Variants in MYH14 observed in about 807,000 individuals in gnomAD.
MYH14 encodes myosin-14.
Under a neutral mutation model 255.5 loss-of-function variants are expected in MYH14, and 123 were observed. The ratio of observed to expected loss-of-function variants is 0.48; its 90% confidence interval spans 0.42 to 0.56. The LOEUF is 0.56. Among genes scored for constraint, MYH14 ranks in the 20% least tolerant of loss-of-function variants. MYH14 has a pLI of 0.00. For synonymous variants in MYH14, 1,095 were observed against 1,161.2 expected (o/e 0.94, Z 1.16); for missense variants, 2,423 against 2,802.3 (o/e 0.86, Z 3.06).
chr19:50,277,610 A>AAAAC (rs904329148), intron 29 of MYH14, among the ~76,000 whole-genome samples: 2 of 152,100 alleles, frequency 1.3e-5, no homozygotes, highest in Admixed American at 6.5e-5. Flanking sequence ...TCTGTCTCAA[A>AAAAC]AAACAAACAA....
rs1261231302 is a variant in MYH14, at chr19:50,281,661, G to A, written c.4358G>A (p.Arg1453His). 16 of 1,608,832 alleles carry A rather than the reference G, an allele frequency of 9.9e-6. No homozygotes were observed. The highest frequency in any genetic ancestry group is 1.3e-5 in the Non-Finnish European group (15 of 1,178,164). ...CTGGAGGCAGGGGAGGAGGCACGGC[G>A]CCGGGCAGCCCGGGAGGCCGAGGCC... ...GALEAGEEAR[R>H]RAAREAEALT... Residue 1453 changes from arginine to histidine, a missense_variant, in exon 33 of 43, where the codon CGC (arginine) becomes CAC (histidine). This residue lies in a region of MYH14 where 1,513 missense variants were observed against 1,674.8 expected (regional missense o/e 0.90). Coordinates refer to ENST00000642316, the MANE Select transcript of MYH14 (RefSeq NM_001145809.2).
intron 2 of MYH14, among the ~76,000 whole-genome samples, chr19:50,215,062 C>G (rs757364350): frequency 2.6e-5 from 4 of 152,184 alleles, no homozygotes; most frequent in Admixed American, 2.0e-4. Context: ...CTGGAGCAGC[C>G]ATTCCTGACC....
intron 22 of MYH14, among the ~76,000 whole-genome samples, chr19:50,265,993 TGATACCTGCGAAA>T (rs1361966608): frequency 6.6e-6 from 1 of 152,070 alleles, no homozygotes; most frequent in African/African-American, 2.4e-5. Context: ...GAAATGTGAA[TGATACCTGCGAAA>T]GATGCAAGGA....
At chr19:50,260,050 T>G (rs2034764759) in intron 19 of MYH14, among the ~76,000 whole-genome samples, 1 of 152,188 alleles carries the variant, frequency 6.6e-6, no homozygotes, top group Non-Finnish European at 1.5e-5. Flanking sequence ...ATTGAACATT[T>G]TCTAATAGCT....
chr19:50,306,357 C>T (rs2036654862), intron 40 of MYH14, among the ~76,000 whole-genome samples: 2 of 152,174 alleles, frequency 1.3e-5, no homozygotes, highest in East Asian at 3.9e-4. Context: ...CCTGTGCCTT[C>T]CTCTCAGCAC....
rs754564991 is a variant in MYH14 at position 50,281,832 on chromosome 19, A to G, written c.4529A>G (p.Lys1510Arg). 4 of 1,610,850 alleles carry G rather than the reference A, an allele frequency of 2.5e-6. No homozygotes were observed. Among genetic ancestry groups the G allele is most frequent in the Non-Finnish European group, 3.4e-6 (4 of 1,178,268 alleles). ...LVSTLEKKQRKFDQLLAEEKA... is the reference protein window; with the variant it reads ...LVSTLEKKQRRFDQLLAEEKA... The stretch of plus-strand genomic sequence containing the variant: ...AGCACCCTGGAGAAGAAGCAGCGCA[A>G]GTTTGACCAGGTGGGGCACCTCAGT... The change falls in exon 33 of 43, where the codon AAG (lysine) becomes AGG (arginine). Residue 1510 changes from lysine to arginine, a missense_variant. By Grantham distance (26) the Lys-to-Arg change is conservative. Coordinates refer to ENST00000642316, the MANE Select transcript of MYH14 (RefSeq NM_001145809.2).
chr19:50,210,370 C>A lies in MYH14; in HGVS notation c.5C>A (p.Ala2Glu), dbSNP rs750407725. The A allele has an allele frequency of 6.3e-7, 1 of 1,587,204 alleles. No individual in the cohort carries two copies. Among genetic ancestry groups the A allele is most frequent in the Non-Finnish European group, 8.6e-7 (1 of 1,168,260 alleles). Residue 2 changes from alanine to glutamate, a missense_variant, in exon 2 of 43, where the codon GCA becomes GAA. Physicochemically the swap from Ala to Glu is moderately radical, Grantham distance 107 (BLOSUM62 -1). Coordinates refer to ENST00000642316, the MANE Select transcript of MYH14 (RefSeq NM_001145809.2). Reference sequence around the variant, plus strand: ...CTTTCTTTGCCCCTGCAGACCATGGCAGCCGTGACCATGTCGGTGCCCGGG... The same window carrying A: ...CTTTCTTTGCCCCTGCAGACCATGGAAGCCGTGACCATGTCGGTGCCCGGG... M[A>E]AVTMSVPGRK...
At chr19:50,296,245 A>G (rs940791882) in intron 39 of MYH14, among the ~76,000 whole-genome samples, 2 of 152,222 alleles carry the variant, frequency 1.3e-5, no homozygotes, top group Admixed American at 6.5e-5. Flanking sequence ...GCCTAGAAAC[A>G]GGGAACCCAG....
At chr19:50,291,722 A>G (rs2036082238) in intron 36 of MYH14, among the ~76,000 whole-genome samples, 1 of 152,022 alleles carries the variant, frequency 6.6e-6, no homozygotes, top group African/African-American at 2.4e-5. Flanking sequence ...AGAATTAGCC[A>G]GGCATGGTGG....
chr19:50,217,559 C>T (rs1348072680), intron 2 of MYH14, 56 bp from the exon 3 acceptor site: 39 of 1,609,042 alleles, frequency 2.4e-5, no homozygotes, highest in East Asian at 4.5e-5. Context: ...AGCCCCATGA[C>T]GCCTTTCAGG....
intron 29 of MYH14, among the ~76,000 whole-genome samples, chr19:50,277,777 C>A (rs927606006): frequency 6.6e-6 from 1 of 151,976 alleles, no homozygotes; most frequent in South Asian, 2.1e-4. Flanking sequence ...ATTAGCCGGG[C>A]GTGGTGGTGG....
chr19:50,262,537 CAAA>C (rs57145637), intron 21 of MYH14, among the ~76,000 whole-genome samples: 4 of 113,604 alleles, frequency 3.5e-5, no homozygotes, highest in Non-Finnish European at 3.8e-5. Context: ...GACTCTGTAT[CAAA>C]AAAAAAAAAA....
chr19:50,273,569 A>C (rs1402847729), intron 27 of MYH14, among the ~76,000 whole-genome samples: 2 of 150,150 alleles, frequency 1.3e-5, no homozygotes, highest in Admixed American at 6.6e-5. Flanking sequence ...AATGTGAAAA[A>C]CTGTGCATCT....
At position 50,278,488 on chromosome 19, in the gene MYH14, C is replaced by T. The variant is rs140061986; in HGVS notation, c.4032+199C>T. Among the ~76,000 whole-genome samples, 555 of 152,044 alleles carry T rather than the reference C, an allele frequency of 3.7e-3. 3 individuals are homozygous for T. Among genetic ancestry groups the T allele is most frequent in the African/African-American group, 0.013 (532 of 41,458 alleles). The stretch of plus-strand genomic sequence containing the variant: ...GGCCAAGGCAGGAGGATTGCTTGAG[C>T]CCAGGAGTTCGAGACCAGCCTGGGC... On this transcript the variant is annotated intron_variant, in intron 30 of 42. Transcript: ENST00000642316.
At chr19:50,251,541 C>CT (rs2034393268) in intron 15 of MYH14, among the ~76,000 whole-genome samples, 9 of 145,578 alleles carry the variant, frequency 6.2e-5, no homozygotes, top group African/African-American at 2.4e-4. Context: ...CACACACACA[C>CT]ACACACACAC....
chr19:50,279,998 C>T, intron 30 of MYH14, 39 bp from the exon 31 acceptor site: 1 of 1,484,544 alleles, frequency 6.7e-7, no homozygotes, highest in African/African-American at 1.4e-5. Context: ...TGGGTGGAAG[C>T]CACGATTGGA....
chr19:50,243,321 A>G (rs1243326564), intron 10 of MYH14, among the ~76,000 whole-genome samples: 1 of 152,154 alleles, frequency 6.6e-6, no homozygotes, highest in Non-Finnish European at 1.5e-5. Flanking sequence ...CAGTAATCCC[A>G]GCTACTTGGG....
intron 10 of MYH14, among the ~76,000 whole-genome samples, chr19:50,238,983 T>C (rs2033779215): frequency 6.6e-6 from 1 of 152,124 alleles, no homozygotes; most frequent in African/African-American, 2.4e-5. Flanking sequence ...CCACAGACCT[T>C]AGGCCAGTTG....
At chr19:50,232,105 G>C (rs774487029) in intron 10 of MYH14, 35 bp downstream of exon 10, 17 of 1,604,660 alleles carry the variant, frequency 1.1e-5, no homozygotes, top group South Asian at 8.8e-5. Flanking sequence ...GGGTAGGGGG[G>C]AACCCCACGG....
Sources: allele counts gnomAD v4.1 joint callset (sites outside exome capture counted in the v4.1 genomes callset), GRCh38; gene constraint gnomAD v4.1.1; regional missense constraint gnomAD v4.1.1; transcripts MANE v1.5; gene names NCBI Gene and HGNC (gene_info 2026-07-23, HGNC 2026-07-21).